COG6: variants seen among roughly 807,000 people sequenced by gnomAD.
COG6 encodes component of oligomeric golgi complex 6, also known as conserved oligomeric Golgi complex subunit 6.
A neutral mutation model predicts 88.8 loss-of-function variants in COG6; 74 were observed. That is an observed-to-expected ratio of 0.83 (90% CI 0.69 to 1.01). The LOEUF (loss-of-function observed/expected upper bound fraction) is 1.01. COG6 is among the 50% of genes least tolerant of loss of function. The pLI is 0.00. For missense variants in COG6, 800 were observed against 797.9 expected (o/e 1.00, Z -0.03); for synonymous variants, 286 against 278.7 (o/e 1.03, Z -0.26).
chr13:39,787,093 A>G (rs1881796140), intron 18 of COG6, among the ~76,000 whole-genome samples: 1 of 152,108 alleles, frequency 6.6e-6, no homozygotes, highest in African/African-American at 2.4e-5. Context: ...AAGGTAGGAA[A>G]TGTCCCTCTT....
At chr13:39,774,806 C>T (rs773349335) in intron 18 of COG6, among the ~76,000 whole-genome samples, 28 of 152,162 alleles carry the variant, frequency 1.8e-4, no homozygotes, top group Admixed American at 5.2e-4. Flanking sequence ...AAATCCTGAC[C>T]TCATGATCTG....
intron 17 of COG6, among the ~76,000 whole-genome samples, chr13:39,726,711 C>T (rs1207623840): frequency 6.6e-6 from 1 of 151,904 alleles, no homozygotes; most frequent in African/African-American, 2.4e-5. Flanking sequence ...CTTAAATAAG[C>T]ATGCCAGTCC....
chr13:39,691,611 G>A (rs2138016006), intron 11 of COG6, among the ~76,000 whole-genome samples: 1 of 152,010 alleles, frequency 6.6e-6, no homozygotes, highest in Admixed American at 6.6e-5. Context: ...ATAGTGATAT[G>A]TAATCCAGCA....
At chr13:39,721,955 A>G (rs963555742) in intron 15 of COG6, among the ~76,000 whole-genome samples, 2 of 152,036 alleles carry the variant, frequency 1.3e-5, no homozygotes, top group African/African-American at 4.8e-5. Context: ...GACTTTGGAG[A>G]ACCATTTCAA....
intron 18 of COG6, among the ~76,000 whole-genome samples, chr13:39,765,797 C>A (rs770095934): frequency 6.6e-6 from 1 of 152,044 alleles, no homozygotes; most frequent in Non-Finnish European, 1.5e-5. Flanking sequence ...TTTTGGTGGT[C>A]GGCAAAGGAA....
chr13:39,729,190 A>G (rs910874197), intron 18 of COG6, among the ~76,000 whole-genome samples: 2 of 152,168 alleles, frequency 1.3e-5, no homozygotes, highest in Admixed American at 1.3e-4. Context: ...CGGGCCAGGG[A>G]CCCTGGTCTG....
chr13:39,789,207 T>C (rs1311427623), exon 19 of COG6: 3 of 152,222 alleles, frequency 2.0e-5, no homozygotes, highest in Admixed American at 2.0e-4. Flanking sequence ...TGCTCAATGA[T>C]ATGTTTTGCA....
chr13:39,729,834 A>G (rs1347500449), intron 18 of COG6, among the ~76,000 whole-genome samples: 1 of 152,200 alleles, frequency 6.6e-6, no homozygotes, highest in Non-Finnish European at 1.5e-5. Flanking sequence ...AAAATTATAC[A>G]TTCTTAGGCT....
intron 18 of COG6, among the ~76,000 whole-genome samples, chr13:39,771,239 G>C (rs1045663971): frequency 1.3e-5 from 2 of 152,212 alleles, no homozygotes; most frequent in African/African-American, 4.8e-5. Flanking sequence ...GCAGGTAACA[G>C]ATCCAACCAT....
In COG6 at chr13:39,710,246, A is replaced by T. The variant is rs547697639; in HGVS notation, c.1285-8990A>T. Among the ~76,000 whole-genome samples the T allele has an allele frequency of 6.6e-5, 10 of 152,048 alleles. No individual in the cohort carries two copies. In the South Asian group the frequency reaches 2.1e-3, roughly 32 times the overall value. Reference sequence around the variant, plus strand: ...TCCCAGATATTGAGTGGTTTTTTTGATGCTTTTGAAACTTATTTTTCTCTT... The same window carrying T: ...TCCCAGATATTGAGTGGTTTTTTTGTTGCTTTTGAAACTTATTTTTCTCTT... On this transcript the variant is annotated intron_variant, in intron 13 of 18. Transcript: ENST00000455146.
intron 11 of COG6, among the ~76,000 whole-genome samples, chr13:39,690,459 T>C (rs1404597211): frequency 6.6e-6 from 1 of 151,920 alleles, no homozygotes; most frequent in Non-Finnish European, 1.5e-5. Flanking sequence ...GTACATAGTT[T>C]ATGACACTAA....
At chr13:39,687,448 G>A in intron 8 of COG6, 55 bp from the exon 9 acceptor site, 1 of 1,520,418 alleles carries the variant, frequency 6.6e-7, no homozygotes, top group Non-Finnish European at 9.1e-7. Flanking sequence ...TGAATAGTCT[G>A]ATATAGCCAC....
chr13:39,784,294 G>C (rs1881712043), intron 18 of COG6, among the ~76,000 whole-genome samples: 1 of 152,180 alleles, frequency 6.6e-6, no homozygotes, highest in Non-Finnish European at 1.5e-5. Context: ...TGAGGGTAAT[G>C]GCATGGCCTA....
chr13:39,669,614 G>A (rs1236159877), intron 4 of COG6, among the ~76,000 whole-genome samples: 1 of 152,180 alleles, frequency 6.6e-6, no homozygotes, highest in Admixed American at 6.5e-5. Flanking sequence ...CAACTATAAT[G>A]TTAGGAAAGG....
chr13:39,674,748 T>C (rs1240853752), intron 4 of COG6, among the ~76,000 whole-genome samples: 1 of 152,202 alleles, frequency 6.6e-6, no homozygotes, highest in African/African-American at 2.4e-5. Flanking sequence ...GCTCCCACTT[T>C]GGTGGGACAT....
chr13:39,674,328 T>C (rs1246563633), intron 4 of COG6, among the ~76,000 whole-genome samples: 1 of 152,136 alleles, frequency 6.6e-6, no homozygotes, highest in Non-Finnish European at 1.5e-5. Flanking sequence ...TTACTTTTTT[T>C]GTTTTGGTTT....
Position 39,752,625 on chromosome 13 carries a change from T to G in COG6, c.*1532T>G, listed in dbSNP as rs61954232. The G allele has an allele frequency of 1.1e-3, 1,421 of 1,262,722 alleles. 1 individual carries two copies. Among genetic ancestry groups the G allele is most frequent in the Non-Finnish European group, 1.4e-3 (1,377 of 976,438 alleles). The allele number at this position is 1,262,722 out of a possible 1,614,324, so 78.2% of individuals were successfully genotyped here. A position where few individuals can be genotyped will look rare whatever the true frequency, so the allele number is the denominator to read the frequency against. The stretch of plus-strand genomic sequence containing the variant: ...GGTTTTTTCAAATAAAATATTAAAA[T>G]ATTTCTAGAGCAGCAATTATTGCAG... On this transcript the variant is annotated 3_prime_UTR_variant, in exon 19 of 19. Coordinates refer to ENST00000455146, the MANE Select transcript of COG6 (RefSeq NM_020751.3).
At chr13:39,706,222 T>TAC (rs1407420673) in intron 13 of COG6, among the ~76,000 whole-genome samples, 1 of 127,912 alleles carries the variant, frequency 7.8e-6, no homozygotes, top group East Asian at 2.2e-4. Flanking sequence ...CCTTTATATA[T>TAC]ATATATACTC....
chr13:39,656,736 C>A, intron 1 of COG6: 2 of 422,696 alleles, frequency 4.7e-6, no homozygotes, highest in Non-Finnish European at 9.4e-6. Context: ...GAAATTAGGG[C>A]TCTGGAGACT....
Sources: allele counts gnomAD v4.1 joint callset (sites outside exome capture counted in the v4.1 genomes callset), GRCh38; gene constraint gnomAD v4.1.1; transcripts MANE v1.5; gene names NCBI Gene and HGNC (gene_info 2026-07-23, HGNC 2026-07-21).